Variants in LRP1B observed in about 807,000 individuals in gnomAD.
The protein encoded by LRP1B is low-density lipoprotein receptor-related protein 1B.
Under a neutral mutation model 556.6 loss-of-function variants are expected in LRP1B, and 217 were observed. That is an observed-to-expected ratio of 0.39 (90% CI 0.35 to 0.44). The LOEUF (loss-of-function observed/expected upper bound fraction) is 0.44. LRP1B is among the 20% of genes least tolerant of loss of function. The probability of loss-of-function intolerance (pLI) is 1.00; values close to 1 mark genes in which losing one functional copy is unlikely to be tolerated. For missense variants in LRP1B, 5,053 were observed against 5,620.8 expected (o/e 0.90, Z 3.23); for synonymous variants, 2,047 against 1,865.8 (o/e 1.10, Z -2.50).
chr2:141,599,723 A>T (rs527279675), intron 2 of LRP1B, among the ~76,000 whole-genome samples: 64 of 152,154 alleles, frequency 4.2e-4, no homozygotes, highest in Non-Finnish European at 5.3e-4. Context: ...AAACAAGACT[A>T]TCAAAAACAC....
intron 3 of LRP1B, among the ~76,000 whole-genome samples, chr2:141,303,376 C>T (rs1686465635): frequency 1.3e-5 from 2 of 152,090 alleles, no homozygotes; most frequent in African/African-American, 4.8e-5. Context: ...ATTAGAACTA[C>T]TCCTACATAT....
At chr2:141,141,022 T>G (rs1701639342) in intron 7 of LRP1B, among the ~76,000 whole-genome samples, 1 of 152,100 alleles carries the variant, frequency 6.6e-6, no homozygotes, top group Non-Finnish European at 1.5e-5. Context: ...AACTTCCAAT[T>G]TAGCTGTGTG....
At chr2:141,260,985 T>C (rs926140692) in intron 3 of LRP1B, among the ~76,000 whole-genome samples, 5 of 152,130 alleles carry the variant, frequency 3.3e-5, no homozygotes, top group African/African-American at 1.2e-4. Context: ...TCTTTCCCTA[T>C]GTGGCACATT....
At chr2:140,590,784 G>A (rs1050870053) in intron 43 of LRP1B, among the ~76,000 whole-genome samples, 5 of 152,102 alleles carry the variant, frequency 3.3e-5, no homozygotes, top group Admixed American at 2.6e-4. Flanking sequence ...TTGTGTTATG[G>A]CAAACAGAGC....
At chr2:141,232,501 G>C (rs896412645) in intron 5 of LRP1B, among the ~76,000 whole-genome samples, 2 of 152,304 alleles carry the variant, frequency 1.3e-5, no homozygotes, top group Non-Finnish European at 2.9e-5. Context: ...TCTTTGAAGA[G>C]AGGCCGGAAT....
At chr2:141,193,301 T>C (rs746995038) in intron 6 of LRP1B, among the ~76,000 whole-genome samples, 1 of 151,968 alleles carries the variant, frequency 6.6e-6, no homozygotes, top group Non-Finnish European at 1.5e-5. Flanking sequence ...AACACAGCAC[T>C]ATAAGCACCA....
chr2:140,475,365 G>C, intron 59 of LRP1B, 28 bp from the exon 60 acceptor site: 3 of 1,484,728 alleles, frequency 2.0e-6, no homozygotes, highest in Admixed American at 1.9e-5. Flanking sequence ...TACTGATTTT[G>C]TTTACAGATT....
intron 31 of LRP1B, among the ~76,000 whole-genome samples, chr2:140,825,320 G>C (rs952497937): frequency 6.6e-6 from 1 of 152,134 alleles, no homozygotes. Flanking sequence ...GGAGTGGGAA[G>C]TTTCGGTCAC....
intron 2 of LRP1B, among the ~76,000 whole-genome samples, chr2:141,634,482 C>A (rs1382619359): frequency 6.6e-6 from 1 of 151,894 alleles, no homozygotes; most frequent in Non-Finnish European, 1.5e-5. Flanking sequence ...AGTGACATTT[C>A]TTTTAATTTA....
chr2:141,126,382 C>A (rs1473187635), intron 7 of LRP1B, among the ~76,000 whole-genome samples: 1 of 152,078 alleles, frequency 6.6e-6, no homozygotes, highest in Non-Finnish European at 1.5e-5. Flanking sequence ...CCTCGCCATT[C>A]GATTCTAGAG....
intron 2 of LRP1B, among the ~76,000 whole-genome samples, chr2:141,739,878 C>T (rs1693631786): frequency 1.3e-5 from 2 of 151,992 alleles, no homozygotes. Context: ...TAGTTCAAGA[C>T]TTATTTTCTT....
chr2:141,679,355 T>C (rs947603000), intron 2 of LRP1B, among the ~76,000 whole-genome samples: 6 of 152,174 alleles, frequency 3.9e-5, no homozygotes, highest in Admixed American at 1.3e-4. Flanking sequence ...TTTTAAGTCA[T>C]TACATTTTGG....
chr2:140,641,707 C>A (rs556700983), intron 41 of LRP1B, among the ~76,000 whole-genome samples: 1 of 152,304 alleles, frequency 6.6e-6, no homozygotes, highest in Admixed American at 6.5e-5. Context: ...AAAATATTAA[C>A]ACATCTTTAT....
At chr2:140,678,613 C>T (rs2105373061) in intron 41 of LRP1B, among the ~76,000 whole-genome samples, 1 of 152,274 alleles carries the variant, frequency 6.6e-6, no homozygotes, top group Admixed American at 6.5e-5. Flanking sequence ...CTGGTTTCAG[C>T]CTTTGAATAT....
intron 25 of LRP1B, among the ~76,000 whole-genome samples, chr2:140,877,462 T>G (rs79846487): frequency 0.013 from 1,948 of 152,248 alleles, 21 homozygotes; most frequent in Middle Eastern, 0.037. Context: ...TCTAAAATGC[T>G]TTCTCTGAAA....
chr2:142,087,858 C>A (rs990407633), intron 1 of LRP1B, among the ~76,000 whole-genome samples: 1 of 152,058 alleles, frequency 6.6e-6, no homozygotes, highest in Non-Finnish European at 1.5e-5. Context: ...AGAACACTAT[C>A]TCTTCCTGCT....
At chr2:140,253,745 C>A (rs1411819791) in intron 86 of LRP1B, among the ~76,000 whole-genome samples, 1 of 152,080 alleles carries the variant, frequency 6.6e-6, no homozygotes, top group Non-Finnish European at 1.5e-5. Context: ...TAACTGAATA[C>A]ATTACATGCA....
At chr2:141,504,930 C>A (rs1304177572) in intron 2 of LRP1B, among the ~76,000 whole-genome samples, 1 of 152,012 alleles carries the variant, frequency 6.6e-6, no homozygotes. Context: ...GTTGAATGTG[C>A]CTAATGGCTA....
chr2:141,005,350 C>T lies in LRP1B; in HGVS notation c.2488G>A (p.Gly830Arg), dbSNP rs753313148. Residue 830 changes from glycine (G) to arginine (R), a missense_variant, in exon 15 of 91, where the codon GGG becomes AGG. Physicochemically the swap from Gly to Arg is moderately radical, Grantham distance 125 (BLOSUM62 -2). Coordinates refer to ENST00000389484, the MANE Select transcript of LRP1B (RefSeq NM_018557.3). The stretch of plus-strand genomic sequence containing the variant: ...AAGAACTTACATGTGCAAGTTGTCC[C>T]ATTTTCATCCAAAAGTTGATTATCG... ...CADNQLLDEN[G>R]TTCTFNPGEA... 5.0e-6 allele frequency: 8 copies of T among 1,609,872 alleles called. No individual in the cohort carries two copies. In the East Asian group the frequency reaches 1.8e-4, roughly 36 times the overall value.
Sources: allele counts gnomAD v4.1 joint callset (sites outside exome capture counted in the v4.1 genomes callset), GRCh38; gene constraint gnomAD v4.1.1; transcripts MANE v1.5; gene names NCBI Gene and HGNC (gene_info 2026-07-23, HGNC 2026-07-21).